CDON: variants seen among roughly 807,000 people sequenced by gnomAD.
The protein encoded by CDON is cell adhesion associated, oncogene regulated.
CDON carries 73 observed loss-of-function variants against 120.9 expected under a neutral mutation model. The ratio of observed to expected loss-of-function variants is 0.60; its 90% CI spans 0.50 to 0.73. The LOEUF (loss-of-function observed/expected upper bound fraction) is 0.73. CDON is among the 30% of genes least tolerant of loss of function. The pLI is 0.00. For missense variants in CDON, 1,470 were observed against 1,587.3 expected (o/e 0.93, Z 1.26); for synonymous variants, 566 against 573.5 (o/e 0.99, Z 0.19).
At chr11:126,061,984 A>G (rs1435594721) in intron 1 of CDON, among the ~76,000 whole-genome samples, 1 of 152,172 alleles carries the variant, frequency 6.6e-6, no homozygotes, top group African/African-American at 2.4e-5. Context: ...GAAAGCAACA[A>G]AGGTCTGGAA....
At chr11:126,051,924 C>T (rs546362827) in intron 1 of CDON, among the ~76,000 whole-genome samples, 2 of 152,234 alleles carry the variant, frequency 1.3e-5, no homozygotes, top group East Asian at 3.9e-4. Flanking sequence ...TCTGGGATTA[C>T]AGGCATGAAC....
chr11:125,971,414 T>TAAATAAATAAATAAATAAA (rs377328170), intron 18 of CDON, among the ~76,000 whole-genome samples: 3 of 123,742 alleles, frequency 2.4e-5, no homozygotes, highest in East Asian at 2.1e-4. Context: ...AAATAAATAA[T>TAAATAAATAAATAAATAAA]AATAATTAAT....
chr11:125,984,111 GA>G lies in CDON; in HGVS notation c.2774-19del. 1.3e-6 allele frequency: 2 copies of G among 1,536,080 alleles called. No individual in the cohort carries two copies. Among genetic ancestry groups the G allele is most frequent in the Non-Finnish European group, 1.8e-6 (2 of 1,108,942 alleles). On this transcript the variant is annotated intron_variant, in intron 15 of 19. Transcript: ENST00000531738. ...ACGTTTCACTAGTTGAAATATAAAG[GA>G]AAACATGATGTCAGAGTGAATACAG...
intron 18 of CDON, among the ~76,000 whole-genome samples, chr11:125,971,407 TA>T (rs372593535): frequency 1.2e-3 from 173 of 139,976 alleles, no homozygotes; most frequent in South Asian, 4.0e-3. Flanking sequence ...AATAAATAAA[TA>T]AATAATAATA....
chr11:125,995,052 C>T lies in CDON; in HGVS notation c.2363G>A (p.Gly788Asp), dbSNP rs1251809206. The change falls in exon 13 of 20, where the codon GGT (glycine) becomes GAT (aspartate). Residue 788 changes from glycine to aspartate, a missense_variant and splice_region_variant. Coordinates refer to ENST00000531738, the MANE Select transcript of CDON (RefSeq NM_001378964.1). ...AATGACCCTAAATTTGTATGTTGAA[C>T]CTTTGAGGGAAAACAAAAACAAACA... Reference protein sequence around the residue: ...LSVEVRSLEPGSTYKFRVIAI... With the variant: ...LSVEVRSLEPDSTYKFRVIAI... 2.5e-6 allele frequency: 4 copies of T among 1,612,842 alleles called. No individual in the cohort carries two copies. Among genetic ancestry groups the T allele is most frequent in the Middle Eastern group, 1.7e-4 (1 of 6,002 alleles).
chr11:125,991,578 G>A (rs767923658), intron 14 of CDON, among the ~76,000 whole-genome samples: 5 of 151,714 alleles, frequency 3.3e-5, no homozygotes, highest in Non-Finnish European at 5.9e-5. Flanking sequence ...TTCTCTTACT[G>A]TACTCTTTTA....
chr11:126,059,646 C>T (rs1261317354), intron 1 of CDON, among the ~76,000 whole-genome samples: 2 of 152,072 alleles, frequency 1.3e-5, no homozygotes, highest in East Asian at 3.9e-4. Flanking sequence ...GATCTCATAG[C>T]CCCCGCTGGG....
rs563267429 is a variant in CDON, at chr11:126,003,951, G to A, written c.1977C>T (p.Ser659=). Residue 659 remains serine (S), a synonymous_variant, in exon 10 of 20, where the codon AGC becomes AGT. Coordinates refer to ENST00000531738, the MANE Select transcript of CDON (RefSeq NM_001378964.1). ...SLYEVLMVAR[S]AAGEGQPAML... ...TGGCAGGTTGGCCTTCACCTGCTGC[G>A]CTTCTTGCTACCATCAAGACTTCAT... 4.6e-5 allele frequency: 75 copies of A among 1,614,030 alleles called. No homozygotes were observed. In the East Asian group the frequency reaches 8.0e-4, roughly 17 times the overall value.
chr11:126,017,029 G>T (rs1947487869), intron 6 of CDON, 59 bp downstream of exon 6: 4 of 1,347,172 alleles, frequency 3.0e-6, no homozygotes, highest in South Asian at 1.2e-5. Flanking sequence ...TTTCCTTCAG[G>T]TATCAGTTAG....
chr11:125,997,252 T>A lies in CDON; in HGVS notation c.2317A>T (p.Ile773Phe), dbSNP rs1946816786. 4.3e-6 allele frequency: 7 copies of A among 1,614,180 alleles called. No individual in the cohort carries two copies. The highest frequency in any genetic ancestry group is 5.9e-6 in the Non-Finnish European group (7 of 1,180,006). The change falls in exon 12 of 20, where the codon ATC (isoleucine) becomes TTC (phenylalanine). Residue 773 changes from isoleucine (I) to phenylalanine (F), a missense_variant. Coordinates refer to ENST00000531738, the MANE Select transcript of CDON (RefSeq NM_001378964.1). ...TSNWLVAAED[I>F]PPSKLSVEVR... ...TCCACTGAAAGTTTGGAAGGAGGGA[T>A]GTCTTCAGCTGCCACCAGCCAATTG...
chr11:125,986,505 C>T lies in CDON; in HGVS notation c.2774-2412G>A, dbSNP rs753415788. 5.1e-4 allele frequency among the ~76,000 whole-genome samples: 77 copies of T among 152,164 alleles called. 1 individual carries two copies. Among genetic ancestry groups the T allele is most frequent in the Non-Finnish European group, 2.9e-4 (20 of 68,040 alleles). On this transcript the variant is annotated intron_variant, in intron 15 of 19. Coordinates refer to ENST00000531738, the MANE Select transcript of CDON (RefSeq NM_001378964.1). ...ACTTGGCTGGGTGCAGTGGCTCACG[C>T]CTGTAGTCCCAGCACTTTGGGAGGC...
chr11:126,009,425 G>A (rs1947228628), intron 8 of CDON, among the ~76,000 whole-genome samples: 1 of 152,170 alleles, frequency 6.6e-6, no homozygotes, highest in Non-Finnish European at 1.5e-5. Flanking sequence ...AGGAACTGTG[G>A]GGACCAGACT....
chr11:126,063,169 G>A (rs955399350), upstream of CDON: 11 of 151,370 alleles, frequency 7.3e-5, no homozygotes, highest in Admixed American at 4.0e-4. Context: ...GATACCCCAG[G>A]GGAGCATAGA....
intron 11 of CDON, among the ~76,000 whole-genome samples, chr11:126,001,433 C>T (rs1946942057): frequency 6.6e-6 from 1 of 152,090 alleles, no homozygotes; most frequent in South Asian, 2.1e-4. Context: ...CTCAAGTGAT[C>T]TGCCCACCTC....
chr11:126,004,266 G>T, intron 9 of CDON, 190 bp from the exon 10 acceptor site: 1 of 642,304 alleles, frequency 1.6e-6, no homozygotes, highest in East Asian at 2.9e-5. Context: ...CAAGAACGCT[G>T]CAATTCTCAC....
In CDON at chr11:125,958,307, G is replaced by A. The variant is rs972305235; in HGVS notation, c.*2635C>T. 1 of 152,172 alleles carries A rather than the reference G, an allele frequency of 6.6e-6. No individual in the cohort carries two copies. The highest frequency in any genetic ancestry group is 2.4e-5 in the African/African-American group (1 of 41,416). The allele number at this position is 152,172 out of a possible 1,614,324, so 9.4% of individuals were successfully genotyped here. A position where few individuals can be genotyped will look rare whatever the true frequency, so the allele number is the denominator to read the frequency against. ...CCCATGGCTCACTGAGTGACTTGGGGATTTTAATGCCAACTTTGTAGATGA... is the reference window on the plus strand; with the variant it reads ...CCCATGGCTCACTGAGTGACTTGGGAATTTTAATGCCAACTTTGTAGATGA... On this transcript the variant is annotated 3_prime_UTR_variant, in exon 20 of 20. Transcript: ENST00000531738.
In CDON at chr11:125,994,927, G is replaced by A. The variant is rs1261115177; in HGVS notation, c.2488C>T (p.Pro830Ser). 1 of 1,614,048 alleles carries A rather than the reference G, an allele frequency of 6.2e-7. No individual in the cohort carries two copies. Among genetic ancestry groups the A allele is most frequent in the Non-Finnish European group, 8.5e-7 (1 of 1,179,958 alleles). ...ACAGCCTCTGTGTATGCAATGTGAG[G>A]TCCAGTTATTGGACGGCTGGAAAAG... is the stretch of plus-strand genomic sequence containing the variant. ...NRFSSRPITG[P>S]HIAYTEAVSD... The change falls in exon 13 of 20, where the codon CCT becomes TCT. Residue 830 changes from proline (P) to serine (S), a missense_variant. Physicochemically the swap from Pro to Ser is moderately conservative, Grantham distance 74. Transcript: ENST00000531738.
At chr11:125,990,825 C>T (rs1184737284) in intron 14 of CDON, among the ~76,000 whole-genome samples, 7 of 151,998 alleles carry the variant, frequency 4.6e-5, no homozygotes, top group Non-Finnish European at 1.0e-4. Flanking sequence ...TACAGACCCG[C>T]GTTTTTTAAG....
chr11:126,030,940 A>G (rs1027494526), intron 1 of CDON, among the ~76,000 whole-genome samples: 2 of 152,218 alleles, frequency 1.3e-5, no homozygotes, highest in African/African-American at 2.4e-5. Context: ...TATTCATTCA[A>G]TCAAACCATT....
Sources: gnomAD v4.1 joint callset for allele counts (sites outside exome capture counted in the v4.1 genomes callset) on GRCh38, gnomAD v4.1.1 for gene constraint, MANE v1.5 for transcripts, NCBI Gene and HGNC (gene_info 2026-07-23, HGNC 2026-07-21) for gene names.